Variants in PRUNE2 observed in about 807,000 individuals in gnomAD.
PRUNE2 encodes the protein protein prune homolog 2.
PRUNE2 carries 164 observed loss-of-function variants against 252.0 expected under a neutral mutation model. That is an observed-to-expected ratio of 0.65 (90% CI 0.57 to 0.74). PRUNE2 has a LOEUF of 0.74. PRUNE2 is among the 30% of genes least tolerant of loss of function. PRUNE2 has a pLI of 0.00. For missense variants in PRUNE2, 3,495 were observed against 3,711.0 expected, an observed-to-expected ratio of 0.94 and a Z score of 1.51; for synonymous variants, 1,292 against 1,350.2, an observed-to-expected ratio of 0.96 and a Z score of 0.94.
chr9:76,675,651 A>T (rs997590468), intron 9 of PRUNE2, among the ~76,000 whole-genome samples: 1 of 115,738 alleles, frequency 8.6e-6, no homozygotes, highest in African/African-American at 3.0e-5. Flanking sequence ...AATAGCAAAG[A>T]CTTGGAACCA....
rs370689740 is a variant in PRUNE2, at chr9:76,678,277, G to A, written c.8277-22775C>T. ...TGAGACAGGAGAATCGCCTGAACCC[G>A]GGAGTGGAGGTTGCAGTGAGCCGAG... On this transcript the variant is annotated intron_variant, in intron 9 of 18. Transcript: ENST00000376718. Among the ~76,000 whole-genome samples the A allele has an allele frequency of 4.8e-5, 7 of 145,438 alleles. No individual in the cohort carries two copies. The East Asian group carries it at 6.3e-4, about 13-fold the overall frequency.
intron 12 of PRUNE2, among the ~76,000 whole-genome samples, chr9:76,641,191 T>C (rs991657102): frequency 6.6e-6 from 1 of 152,088 alleles, no homozygotes; most frequent in Admixed American, 6.5e-5. Context: ...ATATAAAAAG[T>C]ATGGAAATTT....
intron 9 of PRUNE2, among the ~76,000 whole-genome samples, chr9:76,668,497 A>C (rs1276166942): frequency 2.6e-5 from 4 of 152,092 alleles, no homozygotes; most frequent in Non-Finnish European, 5.9e-5. Flanking sequence ...TGCTTCAGGG[A>C]ATTTGGGATA....
intron 6 of PRUNE2, chr9:76,759,749 AC>A (rs2051512222): frequency 6.6e-6 from 1 of 152,330 alleles, no homozygotes; most frequent in African/African-American, 2.4e-5. Flanking sequence ...CCAAGAGGGC[AC>A]TGAGCTGGTT....
chr9:76,705,917 C>A lies in PRUNE2; in HGVS notation c.6357G>T (p.Lys2119Asn). Residue 2119 changes from lysine (K) to asparagine (N), a missense_variant, in exon 8 of 19, where the codon AAG becomes AAT. Lys to Asn is a moderately conservative substitution (Grantham distance 94). Coordinates refer to ENST00000376718, the MANE Select transcript of PRUNE2 (RefSeq NM_015225.3). ...HDSEAKQETE[K>N]HLSACMGPEV... ...CAGGTCCCATGCAAGCACTGAGGTG[C>A]TTCTCAGTCTCTTGCTTTGCTTCAG... 6.2e-7 allele frequency: 1 copy of A among 1,613,944 alleles called. No homozygotes were observed. Among genetic ancestry groups the A allele is most frequent in the Non-Finnish European group, 8.5e-7 (1 of 1,179,896 alleles).
At chr9:76,795,720 G>A (rs1384276816) in intron 6 of PRUNE2, among the ~76,000 whole-genome samples, 2 of 152,132 alleles carry the variant, frequency 1.3e-5, no homozygotes, top group Non-Finnish European at 1.5e-5. Context: ...TTATTGACAG[G>A]ATCCAAATAC....
intron 6 of PRUNE2, among the ~76,000 whole-genome samples, chr9:76,800,190 T>G (rs912756192): frequency 1.3e-5 from 2 of 152,158 alleles, no homozygotes; most frequent in African/African-American, 4.8e-5. Context: ...CCTAATGCTA[T>G]CCCTCCCCCA....
At chr9:76,703,091 G>A (rs1309383951) in intron 9 of PRUNE2, among the ~76,000 whole-genome samples, 1 of 122,248 alleles carries the variant, frequency 8.2e-6, no homozygotes, top group Non-Finnish European at 1.7e-5. Context: ...AGGTGGGGTG[G>A]CAGTTGGGGG....
chr9:76,853,440 G>A (rs1000176557), intron 2 of PRUNE2, among the ~76,000 whole-genome samples: 5 of 152,176 alleles, frequency 3.3e-5, no homozygotes, highest in African/African-American at 1.2e-4. Flanking sequence ...ATTATCATGA[G>A]CTCATGAATT....
intron 9 of PRUNE2, among the ~76,000 whole-genome samples, chr9:76,670,820 A>T (rs932041124): frequency 6.1e-4 from 92 of 151,940 alleles, no homozygotes; most frequent in African/African-American, 1.6e-3. Flanking sequence ...AGGGTACTCC[A>T]ACAGACCTGC....
At chr9:76,831,222 C>T (rs536584476) in intron 4 of PRUNE2, among the ~76,000 whole-genome samples, 1 of 151,930 alleles carries the variant, frequency 6.6e-6, no homozygotes, top group African/African-American at 2.4e-5. Flanking sequence ...AGCCACCGCA[C>T]CCAGCCAACA....
chr9:76,772,503 A>G (rs1306677991), intron 6 of PRUNE2, among the ~76,000 whole-genome samples: 1 of 152,170 alleles, frequency 6.6e-6, no homozygotes, highest in Non-Finnish European at 1.5e-5. Context: ...AACCTTCTGT[A>G]GTTTTGCAAA....
chr9:76,761,027 G>A (rs1204310176), intron 6 of PRUNE2, among the ~76,000 whole-genome samples: 54 of 150,062 alleles, frequency 3.6e-4, no homozygotes, highest in African/African-American at 1.2e-4. Context: ...CAGAGGTTGC[G>A]GTGAGCCGAG....
At chr9:76,653,035 C>T (rs1588181384) in intron 10 of PRUNE2, among the ~76,000 whole-genome samples, 3 of 152,240 alleles carry the variant, frequency 2.0e-5, no homozygotes, top group South Asian at 4.2e-4. Context: ...TGATAGAAAT[C>T]TTTGTATGAG....
At chr9:76,901,292 C>T (rs950499749) in intron 1 of PRUNE2, among the ~76,000 whole-genome samples, 7 of 152,156 alleles carry the variant, frequency 4.6e-5, no homozygotes, top group African/African-American at 1.7e-4. Context: ...ACGGGAAGTG[C>T]TTTGGATTCC....
chr9:76,642,001 T>TAAAAAAAAAAAAAAAAAAAAAAA, intron 12 of PRUNE2: 5 of 1,010,458 alleles, frequency 4.9e-6, no homozygotes, highest in South Asian at 1.7e-5. Flanking sequence ...ATAAGAGAAG[T>TAAAAAAAAAAAAAAAAAAAAAAA]AAAAAAAAAA....
intron 6 of PRUNE2, among the ~76,000 whole-genome samples, chr9:76,751,273 GAC>G (rs796652358): frequency 3.5e-5 from 2 of 56,844 alleles, no homozygotes; most frequent in South Asian, 6.2e-4. Flanking sequence ...CACACACACA[GAC>G]ACACACACAC....
intron 7 of PRUNE2, 77 bp downstream of exon 7, chr9:76,713,486 T>TC (rs1231723969): frequency 8.1e-7 from 1 of 1,228,730 alleles, no homozygotes; most frequent in East Asian, 2.7e-5. Context: ...ACCAATCTGT[T>TC]CTGTCTTGCA....
intron 5 of PRUNE2, among the ~76,000 whole-genome samples, 157 bp from the exon 6 acceptor site, chr9:76,823,883 C>T (rs1322397766): frequency 1.3e-5 from 2 of 151,936 alleles, no homozygotes; most frequent in African/African-American, 4.8e-5. Flanking sequence ...CACACTAAGG[C>T]AATAATCACA....
Sources: gnomAD v4.1 joint callset for allele counts (sites outside exome capture counted in the v4.1 genomes callset) on GRCh38, gnomAD v4.1.1 for gene constraint, MANE v1.5 for transcripts, NCBI Gene and HGNC (gene_info 2026-07-23, HGNC 2026-07-21) for gene names.